Variants in CCDC85A observed in about 807,000 individuals in gnomAD.
CCDC85A encodes the protein coiled-coil domain-containing protein 85A.
In CCDC85A, 38 loss-of-function variants were observed where a neutral mutation model predicts 50.2. The observed-to-expected ratio is 0.76, with a 90% CI of 0.58 to 0.99. The LOEUF is 0.99. Among genes scored for constraint, CCDC85A ranks in the 50% least tolerant of loss-of-function variants. The pLI, the probability that CCDC85A is intolerant of heterozygous loss-of-function variation, is 0.00. For synonymous variants in CCDC85A, 366 were observed against 301.4 expected, an observed-to-expected ratio of 1.21 and a Z score of -2.22; for missense variants, 820 against 742.0, an observed-to-expected ratio of 1.11 and a Z score of -1.22.
chr2:56,273,259 G>A lies in CCDC85A; in HGVS notation c.1241-69620G>A, dbSNP rs1573147508. ...TTCTAGAAAGAGGCCACAAGGATGG[G>A]GGACAGGAAATTAACATAGAAATAA... On this transcript the variant is annotated intron_variant, in intron 2 of 5. Transcript: ENST00000407595. Among the ~76,000 whole-genome samples, 3 of 152,048 alleles carry A rather than the reference G, an allele frequency of 2.0e-5. 1 individual carries two copies. The East Asian group carries it at 5.8e-4, about 29-fold the overall frequency.
At chr2:56,381,408 G>A (rs1014568646) in intron 5 of CCDC85A, among the ~76,000 whole-genome samples, 1 of 152,044 alleles carries the variant, frequency 6.6e-6, no homozygotes, top group African/African-American at 2.4e-5. Context: ...AGGAGCCATA[G>A]AGGTCATTCT....
chr2:56,285,029 GA>G (rs1327985541), intron 2 of CCDC85A, among the ~76,000 whole-genome samples: 1 of 151,480 alleles, frequency 6.6e-6, no homozygotes, highest in South Asian at 2.1e-4. Context: ...CAAAATGTTG[GA>G]TTTTGTGTTT....
At chr2:56,331,823 C>G (rs1673813286) in intron 2 of CCDC85A, among the ~76,000 whole-genome samples, 2 of 152,178 alleles carry the variant, frequency 1.3e-5, no homozygotes, top group South Asian at 4.1e-4. Context: ...GTATTTTCAG[C>G]CTTCGTTATA....
chr2:56,377,451 G>A (rs1365191066), intron 5 of CCDC85A, among the ~76,000 whole-genome samples: 1 of 152,162 alleles, frequency 6.6e-6, no homozygotes, highest in Admixed American at 6.5e-5. Flanking sequence ...CAAACTGTTT[G>A]AAAGCCATTT....
At chr2:56,374,218 C>A (rs1212083271) in intron 4 of CCDC85A, among the ~76,000 whole-genome samples, 1 of 152,108 alleles carries the variant, frequency 6.6e-6, no homozygotes, top group Non-Finnish European at 1.5e-5. Flanking sequence ...GCTTCCTCTC[C>A]TTGTTGGCCA....
chr2:56,297,087 T>C (rs1432401805), intron 2 of CCDC85A, among the ~76,000 whole-genome samples: 2 of 152,214 alleles, frequency 1.3e-5, no homozygotes. Context: ...ACTGCTTTTT[T>C]CTGGAGTGTG....
intron 2 of CCDC85A, among the ~76,000 whole-genome samples, chr2:56,245,819 C>T (rs1157516829): frequency 6.6e-6 from 1 of 152,160 alleles, no homozygotes; most frequent in Admixed American, 6.5e-5. Flanking sequence ...GGGCAGCTTG[C>T]CCTTCTGCCA....
chr2:56,374,665 T>TAGG (rs1448125069), intron 4 of CCDC85A, among the ~76,000 whole-genome samples: 1 of 152,088 alleles, frequency 6.6e-6, no homozygotes, highest in East Asian at 1.9e-4. Context: ...AAAATGTCAC[T>TAGG]AGGCATAATG....
At chr2:56,382,431 G>A (rs1386851947) in intron 5 of CCDC85A, among the ~76,000 whole-genome samples, 1 of 151,940 alleles carries the variant, frequency 6.6e-6, no homozygotes, top group Non-Finnish European at 1.5e-5. Context: ...CATCATGTGG[G>A]TTAGTATGTA....
At chr2:56,240,181 C>T (rs1046102104) in intron 2 of CCDC85A, among the ~76,000 whole-genome samples, 1 of 152,122 alleles carries the variant, frequency 6.6e-6, no homozygotes, top group South Asian at 2.1e-4. Context: ...TTTCCCCTTC[C>T]TTCAGTTCCC....
At chr2:56,360,760 A>C (rs1343251685) in intron 3 of CCDC85A, among the ~76,000 whole-genome samples, 1 of 152,228 alleles carries the variant, frequency 6.6e-6, no homozygotes, top group Non-Finnish European at 1.5e-5. Context: ...AGATGAGATG[A>C]AACCATGTTT....
At chr2:56,196,887 A>C (rs1366312178) in intron 2 of CCDC85A, among the ~76,000 whole-genome samples, 2 of 101,612 alleles carry the variant, frequency 2.0e-5, no homozygotes, top group Non-Finnish European at 4.0e-5. Context: ...TCGTCTTCAA[A>C]AAAAAAAAAA....
chr2:56,375,998 G>T, intron 5 of CCDC85A, 63 bp downstream of exon 5: 1 of 1,555,106 alleles, frequency 6.4e-7, no homozygotes, highest in South Asian at 1.2e-5. Flanking sequence ...GTTCGCTGTA[G>T]TCTAGTAGTC....
intron 3 of CCDC85A, among the ~76,000 whole-genome samples, chr2:56,352,178 G>T (rs1255276911): frequency 1.3e-5 from 2 of 152,048 alleles, no homozygotes; most frequent in African/African-American, 4.8e-5. Context: ...ATTTAAGTTG[G>T]TGCCTTCTGT....
intron 2 of CCDC85A, among the ~76,000 whole-genome samples, chr2:56,211,568 A>C (rs569936101): frequency 1.3e-5 from 2 of 151,886 alleles, no homozygotes; most frequent in Non-Finnish European, 2.9e-5. Flanking sequence ...TTTTTTAATT[A>C]AGGAAAAATA....
chr2:56,356,910 A>G (rs2104358515), intron 3 of CCDC85A, among the ~76,000 whole-genome samples: 1 of 151,474 alleles, frequency 6.6e-6, no homozygotes. Flanking sequence ...TCTACTAAAA[A>G]AACCAAAAAA....
rs147498946 is a variant in CCDC85A at position 56,305,412 on chromosome 2, T to C, written c.1241-37467T>C. ...AACCTGCCCCAGGTCAAACAGCTAG[T>C]AAGACATAAAGTGGAGATTTGAACT... On this transcript the variant is annotated intron_variant, in intron 2 of 5. Coordinates refer to ENST00000407595, the MANE Select transcript of CCDC85A (RefSeq NM_001080433.2). Among the ~76,000 whole-genome samples the C allele has an allele frequency of 1.8e-4, 27 of 152,294 alleles. No homozygotes were observed. The East Asian group carries it at 4.4e-3, about 25-fold the overall frequency.
intron 3 of CCDC85A, among the ~76,000 whole-genome samples, chr2:56,367,993 C>T (rs1218540165): frequency 1.3e-5 from 1 of 75,688 alleles, no homozygotes; most frequent in Admixed American, 1.3e-4. Flanking sequence ...TCATAAGTGT[C>T]AGATCAAGAA....
At chr2:56,268,627 AG>A (rs1473116476) in intron 2 of CCDC85A, among the ~76,000 whole-genome samples, 1 of 151,522 alleles carries the variant, frequency 6.6e-6, no homozygotes, top group Non-Finnish European at 1.5e-5. Flanking sequence ...AAAGAAAAGA[AG>A]AAAAAAATGA....
Sources: gnomAD v4.1 joint callset for allele counts (sites outside exome capture counted in the v4.1 genomes callset) on GRCh38, gnomAD v4.1.1 for gene constraint, MANE v1.5 for transcripts, NCBI Gene and HGNC (gene_info 2026-07-23, HGNC 2026-07-21) for gene names.